HUNK: variants seen among roughly 807,000 people sequenced by gnomAD.
HUNK encodes hormonally up-regulated Neu-associated kinase, also known as hormonally up-regulated neu tumor-associated kinase.
HUNK carries 21 observed loss-of-function variants against 61.0 expected under a neutral mutation model. The ratio of observed to expected loss-of-function variants is 0.34; its 90% CI spans 0.24 to 0.50. HUNK has a LOEUF of 0.50. HUNK is among the 20% of genes least tolerant of loss of function. HUNK has a pLI of 0.98. For synonymous variants in HUNK, 371 were observed against 386.1 expected (o/e 0.96, Z 0.46); for missense variants, 772 against 945.7 (o/e 0.82, Z 2.41).
chr21:31,988,236 C>A (rs1029132857), intron 8 of HUNK, among the ~76,000 whole-genome samples: 3 of 152,070 alleles, frequency 2.0e-5, no homozygotes, highest in Non-Finnish European at 2.9e-5. Context: ...AAAAAGAGAA[C>A]CCCCCAGGAC....
intron 7 of HUNK, among the ~76,000 whole-genome samples, chr21:31,975,941 G>C (rs887838287): frequency 9.2e-5 from 14 of 152,166 alleles, no homozygotes; most frequent in African/African-American, 3.1e-4. Context: ...TTAAACATTT[G>C]GATGAAAGTA....
chr21:31,942,667 C>A (rs943691011), intron 3 of HUNK, among the ~76,000 whole-genome samples: 1 of 152,140 alleles, frequency 6.6e-6, no homozygotes, highest in African/African-American at 2.4e-5. Flanking sequence ...GAGTCATCAC[C>A]TCTCTGCTGG....
chr21:31,947,430 A>T (rs2052816427), intron 4 of HUNK, among the ~76,000 whole-genome samples: 2 of 152,268 alleles, frequency 1.3e-5, no homozygotes, highest in Non-Finnish European at 2.9e-5. Flanking sequence ...TGCCGAGATC[A>T]TTTCTGAGCT....
At chr21:31,959,252 A>G (rs764939494) in intron 5 of HUNK, among the ~76,000 whole-genome samples, 3 of 152,136 alleles carry the variant, frequency 2.0e-5, no homozygotes, top group Non-Finnish European at 2.9e-5. Flanking sequence ...AAAGGATCTG[A>G]TATTCTCCAT....
At position 31,998,626 on chromosome 21, in the gene HUNK, G is replaced by A. The variant is rs751893621; in HGVS notation, c.1587G>A (p.Pro529=). 31 of 1,613,948 alleles carry A rather than the reference G, an allele frequency of 1.9e-5. No homozygotes were observed. In the East Asian group the frequency reaches 2.2e-4, roughly 12 times the overall value. Residue 529 remains proline (P), a synonymous_variant, in exon 11 of 11, where the codon CCG becomes CCA. Transcript: ENST00000270112. ...TCCCCGTGCCACCGCCCAGGACCCC[G>A]AGGATTGTGAAGAAACCGGAGCCCC... ...EFIPVPPPRT[P]RIVKKPEPHQ...
At chr21:31,989,158 G>T (rs1389636334) in intron 8 of HUNK, among the ~76,000 whole-genome samples, 1 of 152,062 alleles carries the variant, frequency 6.6e-6, no homozygotes, top group Non-Finnish European at 1.5e-5. Context: ...CAGTCATACT[G>T]CATTAGGGCT....
chr21:31,875,148 C>T lies in HUNK; in HGVS notation c.261+1213C>T, dbSNP rs1464694991. ...TTCACTTCCCAACCGAGCAGGTGGC[C>T]TGGGAGCCGAGCCCTCTGCCTTCCG... On this transcript the variant is annotated intron_variant, in intron 1 of 10. Coordinates refer to ENST00000270112, the MANE Select transcript of HUNK (RefSeq NM_014586.2). Among the ~76,000 whole-genome samples, 7 of 152,320 alleles carry T rather than the reference C, an allele frequency of 4.6e-5. No individual in the cohort carries two copies. The East Asian group carries it at 9.7e-4, about 21-fold the overall frequency.
chr21:31,992,369 C>T (rs746632152), intron 9 of HUNK, among the ~76,000 whole-genome samples: 2 of 152,352 alleles, frequency 1.3e-5, no homozygotes, highest in East Asian at 3.9e-4. Flanking sequence ...GTTCATGGGG[C>T]TGCGTTTTCA....
At chr21:31,895,123 T>C (rs2123795477) in intron 1 of HUNK, among the ~76,000 whole-genome samples, 1 of 152,298 alleles carries the variant, frequency 6.6e-6, no homozygotes, top group East Asian at 1.9e-4. Context: ...AGGTGAAGAA[T>C]TTGGATGATA....
In HUNK at chr21:31,946,157, C is replaced by T. The variant is rs774875015; in HGVS notation, c.732C>T (p.Ile244=). 4.3e-6 allele frequency: 7 copies of T among 1,612,672 alleles called. No homozygotes were observed. The highest frequency in any genetic ancestry group is 2.2e-5 in the East Asian group (1 of 44,798). Residue 244 remains isoleucine (I), a synonymous_variant, in exon 4 of 11, where the codon ATC becomes ATT. Transcript: ENST00000270112. ...CCAGGAAGAAATACGGCCCCAAAAT[C>T]GATGTCTGGTCCATGTGAGTTATCA... ...LLARKKYGPK[I]DVWSIGVNMY...
rs372742360 is a variant in HUNK, at chr21:31,919,040, G to T, written c.262-5428G>T. ...GGGGCTGGACTGAGCGGTATGAGGA[G>T]GAGGGGCTGGACTGAGCGGTATGAG... On this transcript the variant is annotated intron_variant, in intron 1 of 10. Coordinates refer to ENST00000270112, the MANE Select transcript of HUNK (RefSeq NM_014586.2). 9.1e-3 allele frequency among the ~76,000 whole-genome samples: 882 copies of T among 96,902 alleles called. 6 individuals carry two copies. The highest frequency in any genetic ancestry group is 0.023 in the African/African-American group (442 of 18,908). The allele number at this position is 96,902 out of a possible 152,430, so 63.6% of individuals were successfully genotyped here. A position where few individuals can be genotyped will look rare whatever the true frequency, so the allele number is the denominator to read the frequency against.
At chr21:31,984,895 G>A (rs1223336892) in intron 8 of HUNK, among the ~76,000 whole-genome samples, 1 of 152,154 alleles carries the variant, frequency 6.6e-6, no homozygotes, top group East Asian at 1.9e-4. Context: ...CTTTATAAAG[G>A]AAAGAGGTTT....
At chr21:31,934,315 C>T (rs1250148034) in intron 2 of HUNK, among the ~76,000 whole-genome samples, 2 of 151,258 alleles carry the variant, frequency 1.3e-5, no homozygotes, top group Admixed American at 1.3e-4. Context: ...CGGTGGCGGG[C>T]GCCTGTAGTC....
rs1568940203 is a variant in HUNK, at chr21:31,979,512, A to ATTTTTTTTTTT, written c.1174-4012_1174-4011insTTTTTTTTTTT. On this transcript the variant is annotated intron_variant, in intron 7 of 10. Transcript: ENST00000270112. Reference sequence around the variant, plus strand: ...GTTTTCTGGCTATTGAGTTGTTTGCATTCTTTTTTTTTTTTTTTTTTTTTT... The same window carrying ATTTTTTTTTTT: ...GTTTTCTGGCTATTGAGTTGTTTGCATTTTTTTTTTTTTCTTTTTTTTTTTTTTTTTTTTTT... Among the ~76,000 whole-genome samples the ATTTTTTTTTTT allele has an allele frequency of 9.0e-5, 9 of 99,508 alleles. 3 individuals are homozygous for ATTTTTTTTTTT. Among genetic ancestry groups the ATTTTTTTTTTT allele is most frequent in the Non-Finnish European group, 3.9e-5 (2 of 50,740 alleles). The allele number at this position is 99,508 out of a possible 152,430, so 65.3% of individuals were successfully genotyped here.
chr21:31,985,556 C>T (rs2053127009), intron 8 of HUNK, among the ~76,000 whole-genome samples: 1 of 152,150 alleles, frequency 6.6e-6, no homozygotes, highest in African/African-American at 2.4e-5. Context: ...TCAGACAGAC[C>T]CTGGGGCAGA....
At chr21:31,990,449 A>T (rs544758504) in intron 9 of HUNK, among the ~76,000 whole-genome samples, 170 of 151,528 alleles carry the variant, frequency 1.1e-3, no homozygotes, top group African/African-American at 4.0e-3. Context: ...CCGTTGACTG[A>T]TTGGATGAGA....
intron 4 of HUNK, among the ~76,000 whole-genome samples, chr21:31,952,612 T>G (rs973191467): frequency 6.6e-6 from 1 of 152,130 alleles, no homozygotes; most frequent in Non-Finnish European, 1.5e-5. Flanking sequence ...GTATTTTTTT[T>G]TGTGTACCAG....
At chr21:31,910,760 C>G (rs1380205311) in intron 1 of HUNK, among the ~76,000 whole-genome samples, 1 of 152,126 alleles carries the variant, frequency 6.6e-6, no homozygotes, top group Non-Finnish European at 1.5e-5. Flanking sequence ...AAGTGCTGGG[C>G]AGGATCTCCT....
Position 31,946,074 on chromosome 21 carries a change from T to A in HUNK, c.649T>A (p.Ser217Thr). Residue 217 changes from serine (S) to threonine (T), a missense_variant, in exon 4 of 11, where the codon TCG becomes ACG. By Grantham distance (58) the Ser-to-Thr change is moderately conservative. This residue lies in a region of HUNK where 359 missense variants were observed against 501.3 expected (regional missense o/e 0.72). Coordinates refer to ENST00000270112, the MANE Select transcript of HUNK (RefSeq NM_014586.2). ...LSNCAGILGY[S>T]DPFSTQCGSP... ...CAACTGCGCAGGGATCCTGGGTTAC[T>A]CGGATCCGTTCAGCACACAGTGTGG... The A allele has an allele frequency of 6.2e-7, 1 of 1,612,304 alleles. No individual in the cohort carries two copies. Among genetic ancestry groups the A allele is most frequent in the Non-Finnish European group, 8.5e-7 (1 of 1,178,470 alleles).
Sources: gnomAD v4.1 joint callset for allele counts (sites outside exome capture counted in the v4.1 genomes callset) on GRCh38, gnomAD v4.1.1 for gene constraint, gnomAD v4.1.1 regional missense constraint, MANE v1.5 for transcripts, NCBI Gene and HGNC (gene_info 2026-07-23, HGNC 2026-07-21) for gene names.